The following GALNT7 variants were observed in gnomAD, a reference collection of about 807,000 sequenced individuals.
The protein encoded by GALNT7 is polypeptide N-acetylgalactosaminyltransferase 7.
GALNT7 carries 60 observed loss-of-function variants against 82.1 expected under a neutral mutation model. The observed-to-expected ratio is 0.73, with a 90% CI of 0.59 to 0.91. The LOEUF (loss-of-function observed/expected upper bound fraction) is 0.91, where lower values mean the gene tolerates loss of function less well. GALNT7 is among the 40% of genes least tolerant of loss of function. GALNT7 has a pLI of 0.00. For missense variants in GALNT7, 660 were observed against 804.2 expected, an observed-to-expected ratio of 0.82 and a Z score of 2.17; for synonymous variants, 243 against 275.1, an observed-to-expected ratio of 0.88 and a Z score of 1.15.
chr4:173,244,599 A>C (rs1448537993), intron 1 of GALNT7, among the ~76,000 whole-genome samples: 2 of 152,172 alleles, frequency 1.3e-5, no homozygotes, highest in Non-Finnish European at 2.9e-5. Context: ...TAGACATGGC[A>C]ATCATAGTAC....
At chr4:173,321,208 A>G (rs1737802930) in intron 11 of GALNT7, among the ~76,000 whole-genome samples, 1 of 152,090 alleles carries the variant, frequency 6.6e-6, no homozygotes, top group Non-Finnish European at 1.5e-5. Context: ...ATCCTTAGTG[A>G]CTGGTATGTG....
intron 2 of GALNT7, among the ~76,000 whole-genome samples, chr4:173,257,582 T>G (rs1735091038): frequency 6.6e-6 from 1 of 152,226 alleles, no homozygotes; most frequent in Non-Finnish European, 1.5e-5. Flanking sequence ...AGTAAACTTT[T>G]AGTCTGTCCC....
chr4:173,207,619 T>A (rs116266825), intron 1 of GALNT7, among the ~76,000 whole-genome samples: 7,054 of 152,272 alleles, frequency 0.046, 218 homozygotes, highest in Middle Eastern at 0.068. Context: ...TAATTCTTTG[T>A]GCACCTTCTT....
At chr4:173,267,340 G>A (rs1437858102) in intron 2 of GALNT7, among the ~76,000 whole-genome samples, 3 of 152,026 alleles carry the variant, frequency 2.0e-5, no homozygotes, top group Admixed American at 6.6e-5. Flanking sequence ...CCCCTGAAAC[G>A]CGTACCTGAA....
At chr4:173,312,111 C>T (rs985124212) in intron 8 of GALNT7, among the ~76,000 whole-genome samples, 1 of 152,118 alleles carries the variant, frequency 6.6e-6, no homozygotes, top group African/African-American at 2.4e-5. Flanking sequence ...GACTGTATAG[C>T]CCAAAAAGCC....
intron 2 of GALNT7, among the ~76,000 whole-genome samples, chr4:173,285,125 C>T (rs1459131343): frequency 1.3e-5 from 2 of 152,152 alleles, no homozygotes; most frequent in Non-Finnish European, 2.9e-5. Flanking sequence ...TTTATTTTAT[C>T]TAATTTAAGA....
At chr4:173,254,407 T>C (rs1263309760) in intron 2 of GALNT7, among the ~76,000 whole-genome samples, 1 of 152,218 alleles carries the variant, frequency 6.6e-6, no homozygotes, top group Non-Finnish European at 1.5e-5. Flanking sequence ...ATTTAGAATG[T>C]ATTGCTATAA....
rs6838253 is a variant in GALNT7 at position 173,311,892 on chromosome 4, A to G, written c.1390-2066A>G. 7.6e-3 allele frequency among the ~76,000 whole-genome samples: 1,161 copies of G among 152,342 alleles called. 13 individuals carry two copies. Among genetic ancestry groups the G allele is most frequent in the African/African-American group, 0.021 (877 of 41,574 alleles). On this transcript the variant is annotated intron_variant, in intron 8 of 11. Transcript: ENST00000265000. ...TCTAGGGGCATGTTCACCCTTTGAT[A>G]GTTATCTTGTTGCCTAGAAAACATT...
intron 1 of GALNT7, among the ~76,000 whole-genome samples, chr4:173,237,041 G>T (rs934389993): frequency 7.2e-5 from 11 of 152,226 alleles, no homozygotes; most frequent in Non-Finnish European, 1.3e-4. Flanking sequence ...AAATAACCTT[G>T]ATCTACTCTG....
intron 1 of GALNT7, among the ~76,000 whole-genome samples, chr4:173,189,859 A>C (rs1192001428): frequency 6.6e-6 from 1 of 152,236 alleles, no homozygotes; most frequent in Non-Finnish European, 1.5e-5. Flanking sequence ...ATGGAAATAC[A>C]TGAAGGCTGA....
chr4:173,318,542 G>A lies in GALNT7; in HGVS notation c.1819G>A (p.Glu607Lys). The change falls in exon 11 of 12, where the codon GAA (glutamate) becomes AAA (lysine). Residue 607 changes from glutamate to lysine, a missense_variant. This residue lies in a region of GALNT7 where 527 missense variants were observed against 683.5 expected (regional missense o/e 0.77). Coordinates refer to ENST00000265000, the MANE Select transcript of GALNT7 (RefSeq NM_017423.3). ...ACACTGTAATCTAAATGAATTTAAG[G>A]AATGGCAGTACTTCAAGGTATTCTG... ...ITHCNLNEFK[E>K]WQYFKNLHRF... 6.4e-6 allele frequency: 10 copies of A among 1,569,124 alleles called. No individual in the cohort carries two copies. Among genetic ancestry groups the A allele is most frequent in the Non-Finnish European group, 7.9e-6 (9 of 1,141,352 alleles).
chr4:173,239,266 C>G (rs1353688919), intron 1 of GALNT7, among the ~76,000 whole-genome samples: 1 of 152,114 alleles, frequency 6.6e-6, no homozygotes, highest in Non-Finnish European at 1.5e-5. Context: ...CTAGCTTAAA[C>G]CAAGCCAAGC....
At chr4:173,272,263 T>C (rs1735755826) in intron 2 of GALNT7, among the ~76,000 whole-genome samples, 1 of 152,208 alleles carries the variant, frequency 6.6e-6, no homozygotes, top group Non-Finnish European at 1.5e-5. Flanking sequence ...ATATGGACTA[T>C]CTGTAGACCA....
In GALNT7 at chr4:173,315,940, C is replaced by G. The variant is rs116473872; in HGVS notation, c.1609-1694C>G. On this transcript the variant is annotated intron_variant, in intron 9 of 11. Coordinates refer to ENST00000265000, the MANE Select transcript of GALNT7 (RefSeq NM_017423.3). ...TTTGTCTCGCACTTCATATCTAGTT[C>G]CAGAATCTGATCCCTTGTTGCCTGG... 437 of 152,366 alleles carry G rather than the reference C, an allele frequency of 2.9e-3. 1 individual carries two copies. The highest frequency in any genetic ancestry group is 9.8e-3 in the African/African-American group (409 of 41,556). 9.4% of individuals were successfully genotyped at this position (152,366 alleles called of 1,614,324 possible).
At chr4:173,208,874 C>T (rs1377219065) in intron 1 of GALNT7, among the ~76,000 whole-genome samples, 1 of 152,174 alleles carries the variant, frequency 6.6e-6, no homozygotes, top group East Asian at 1.9e-4. Flanking sequence ...CCACCTTTGC[C>T]GCCATGTTTA....
At chr4:173,255,121 C>T (rs1734989973) in intron 2 of GALNT7, among the ~76,000 whole-genome samples, 1 of 152,148 alleles carries the variant, frequency 6.6e-6, no homozygotes, top group Admixed American at 6.5e-5. Flanking sequence ...AGGGAGGTAC[C>T]ATATTTATTT....
chr4:173,169,025 G>T, intron 1 of GALNT7, 64 bp downstream of exon 1: 1 of 1,567,372 alleles, frequency 6.4e-7, no homozygotes. Context: ...TTGCCCGCGT[G>T]TGGAGGGAGC....
At chr4:173,192,975 A>G (rs1732669565) in intron 1 of GALNT7, among the ~76,000 whole-genome samples, 1 of 152,198 alleles carries the variant, frequency 6.6e-6, no homozygotes, top group South Asian at 2.1e-4. Context: ...TACCAGGGTC[A>G]GCTCCTTATG....
intron 1 of GALNT7, among the ~76,000 whole-genome samples, chr4:173,176,393 A>G (rs1732044358): frequency 6.6e-6 from 1 of 152,098 alleles, no homozygotes; most frequent in Non-Finnish European, 1.5e-5. Flanking sequence ...TAGGGTGATT[A>G]TTTGTTTTAG....
Sources: allele counts gnomAD v4.1 joint callset (sites outside exome capture counted in the v4.1 genomes callset), GRCh38; gene constraint gnomAD v4.1.1; regional missense constraint gnomAD v4.1.1; transcripts MANE v1.5; gene names NCBI Gene and HGNC (gene_info 2026-07-23, HGNC 2026-07-21).